Variants in PACSIN1 observed in about 807,000 individuals in gnomAD.
The protein encoded by PACSIN1 is protein kinase C and casein kinase substrate in neurons protein 1.
Under a neutral mutation model 59.5 loss-of-function variants are expected in PACSIN1, and 15 were observed. The ratio of observed to expected loss-of-function variants is 0.25; its 90% CI spans 0.17 to 0.39. The LOEUF is 0.39. Among genes scored for constraint, PACSIN1 ranks in the 10% least tolerant of loss-of-function variants. The pLI is 1.00. For synonymous variants in PACSIN1, 210 were observed against 220.6 expected, an observed-to-expected ratio of 0.95 and a Z score of 0.42; for missense variants, 420 against 580.2, an observed-to-expected ratio of 0.72 and a Z score of 2.84.
intron 1 of PACSIN1, among the ~76,000 whole-genome samples, chr6:34,520,127 T>G (rs1185500736): frequency 6.6e-6 from 1 of 151,980 alleles, no homozygotes; most frequent in Non-Finnish European, 1.5e-5. Context: ...GCCTGGGTTG[T>G]GGGGAGACAT....
intron 1 of PACSIN1, among the ~76,000 whole-genome samples, chr6:34,499,972 C>G (rs925574130): frequency 6.6e-6 from 1 of 152,094 alleles, no homozygotes; most frequent in Non-Finnish European, 1.5e-5. Flanking sequence ...GGGTGAAAAG[C>G]AGCCCACAAA....
At chr6:34,524,515 G>A (rs1483280090) in intron 1 of PACSIN1, among the ~76,000 whole-genome samples, 2 of 152,132 alleles carry the variant, frequency 1.3e-5, no homozygotes, top group Non-Finnish European at 2.9e-5. Context: ...ATTTTCCCCA[G>A]CCACATGGGT....
intron 1 of PACSIN1, among the ~76,000 whole-genome samples, chr6:34,497,415 G>A (rs1044578851): frequency 2.6e-5 from 4 of 152,132 alleles, no homozygotes; most frequent in African/African-American, 7.2e-5. Context: ...GCTATCATCC[G>A]CGGTTAAAGA....
intron 1 of PACSIN1, among the ~76,000 whole-genome samples, chr6:34,498,819 T>C (rs1750214662): frequency 8.2e-6 from 1 of 121,796 alleles, no homozygotes; most frequent in African/African-American, 3.3e-5. Flanking sequence ...AAAAAAAAAG[T>C]GTCCCAGGTA....
Position 34,530,254 on chromosome 6 carries a change from T to C in PACSIN1, c.800T>C (p.Val267Ala). 2 of 1,613,680 alleles carry C rather than the reference T, an allele frequency of 1.2e-6. No homozygotes were observed. The highest frequency in any genetic ancestry group is 1.7e-6 in the Non-Finnish European group (2 of 1,179,780). The stretch of plus-strand genomic sequence containing the variant: ...CTCCCTGAGCACAGCTACATCCATG[T>C]GTACCGTGAGCTGGAGCAGGCCATC... ...NLAENSSYIHVYRELEQAIRG... is the reference protein window; with the variant it reads ...NLAENSSYIHAYRELEQAIRG... The change falls in exon 7 of 10, where the codon GTG becomes GCG. Residue 267 changes from valine (V) to alanine (A), a missense_variant. By Grantham distance (64) the Val-to-Ala change is moderately conservative. Transcript: ENST00000244458. The surrounding 1 kb of genome is among the most constrained non-coding windows in gnomAD (Gnocchi z 4.4).
At chr6:34,487,249 A>C (rs981342736) in intron 1 of PACSIN1, among the ~76,000 whole-genome samples, 2 of 152,182 alleles carry the variant, frequency 1.3e-5, no homozygotes, top group African/African-American at 4.8e-5. Context: ...AGAACAAGAT[A>C]TAGAACACTT....
At chr6:34,511,028 G>C (rs1185335179) in intron 1 of PACSIN1, among the ~76,000 whole-genome samples, 3 of 151,656 alleles carry the variant, frequency 2.0e-5, no homozygotes, top group Non-Finnish European at 1.5e-5. Context: ...TATTTTTCTT[G>C]GTAGCACTGC....
At chr6:34,482,171 C>T (rs1220851345) in intron 1 of PACSIN1, among the ~76,000 whole-genome samples, 1 of 152,130 alleles carries the variant, frequency 6.6e-6, no homozygotes, top group African/African-American at 2.4e-5. Context: ...ACCGCAATCT[C>T]TGCCTCTTGG....
chr6:34,527,301 G>C, intron 2 of PACSIN1, 31 bp from the exon 3 acceptor site: 3 of 1,495,834 alleles, frequency 2.0e-6, no homozygotes, highest in South Asian at 2.6e-5. Context: ...CTGGGAACCC[G>C]CGGGAGTGGT....
intron 1 of PACSIN1, among the ~76,000 whole-genome samples, chr6:34,473,227 G>A (rs1287405430): frequency 8.1e-6 from 1 of 123,856 alleles, no homozygotes; most frequent in East Asian, 2.9e-4. Flanking sequence ...GACGGGGCGG[G>A]GGGCGGGGGG....
At position 34,530,082 on chromosome 6, in the gene PACSIN1, C is replaced by T. The variant is rs1438827436; in HGVS notation, c.789-161C>T. 6.6e-6 allele frequency among the ~76,000 whole-genome samples: 1 copy of T among 152,160 alleles called. No homozygotes were observed. Among genetic ancestry groups the T allele is most frequent in the East Asian group, 1.9e-4 (1 of 5,190 alleles). The stretch of plus-strand genomic sequence containing the variant: ...AAGGTGGGAGGGAAAAGGAGTCCAC[C>T]GAGCATGCCCGGAGCTTATTCTTGC... On this transcript the variant is annotated intron_variant, in intron 6 of 9. Coordinates refer to ENST00000244458, the MANE Select transcript of PACSIN1 (RefSeq NM_020804.5). This position sits in a 1 kb window ranked among gnomAD's most constrained non-coding sequence, Gnocchi z 4.4.
At chr6:34,503,779 A>T (rs573667901) in intron 1 of PACSIN1, among the ~76,000 whole-genome samples, 37 of 152,310 alleles carry the variant, frequency 2.4e-4, no homozygotes, top group African/African-American at 7.9e-4. Flanking sequence ...TTATATTTTT[A>T]AAATTGAAGT....
At position 34,532,710 on chromosome 6, in the gene PACSIN1, T is replaced by G; in HGVS notation, c.*180T>G. On this transcript the variant is annotated 3_prime_UTR_variant, in exon 10 of 10. Coordinates refer to ENST00000244458, the MANE Select transcript of PACSIN1 (RefSeq NM_020804.5). This position sits in a 1 kb window ranked among gnomAD's most constrained non-coding sequence, Gnocchi z 5.2. ...GAGACAGAGCATTTGCAGGGCCACC[T>G]GGAGGCTGGGGTGCTGGGGCTTGGG... 1 of 580,962 alleles carries G rather than the reference T, an allele frequency of 1.7e-6. No individual in the cohort carries two copies. The highest frequency in any genetic ancestry group is 3.0e-5 in the East Asian group (1 of 33,614). 36.0% of individuals were successfully genotyped at this position (580,962 alleles called of 1,614,324 possible). A position where few individuals can be genotyped will look rare whatever the true frequency, so the allele number is the denominator to read the frequency against.
chr6:34,530,921 T>G lies in PACSIN1; in HGVS notation c.1037+334T>G, dbSNP rs1561972376. 6.6e-6 allele frequency among the ~76,000 whole-genome samples: 1 copy of G among 152,158 alleles called. No individual in the cohort carries two copies. The highest frequency in any genetic ancestry group is 1.5e-5 in the Non-Finnish European group (1 of 68,014). Reference sequence around the variant, plus strand: ...TCACAATAGGGGGGTTGCGCTCCTATGAGAATCTAACGCCGCGGCTGATCT... The same window carrying G: ...TCACAATAGGGGGGTTGCGCTCCTAGGAGAATCTAACGCCGCGGCTGATCT... On this transcript the variant is annotated intron_variant, in intron 8 of 9. Transcript: ENST00000244458. This position sits in a 1 kb window ranked among gnomAD's most constrained non-coding sequence, Gnocchi z 4.4.
At position 34,478,343 on chromosome 6, in the gene PACSIN1, G is replaced by C. The variant is rs1194624626; in HGVS notation, c.-64+12073G>C. On this transcript the variant is annotated intron_variant, in intron 1 of 9. Coordinates refer to ENST00000244458, the MANE Select transcript of PACSIN1 (RefSeq NM_020804.5). ...CAAAGTGCTGGGATTACAGGCATGAGCCACCACGCCGAGCCTATTTATCTT... is the reference window on the plus strand; with the variant it reads ...CAAAGTGCTGGGATTACAGGCATGACCCACCACGCCGAGCCTATTTATCTT... Among the ~76,000 whole-genome samples, 94 of 146,808 alleles carry C rather than the reference G, an allele frequency of 6.4e-4. 1 individual carries two copies. The highest frequency in any genetic ancestry group is 2.4e-3 in the African/African-American group (94 of 39,408).
intron 1 of PACSIN1, 27 bp from the exon 2 acceptor site, chr6:34,526,216 C>A: frequency 1.8e-6 from 2 of 1,114,802 alleles, no homozygotes; most frequent in Non-Finnish European, 2.7e-6. Flanking sequence ...TCCCTCATCT[C>A]CAGGGATCTC....
At position 34,521,847 on chromosome 6, in the gene PACSIN1, G is replaced by A. The variant is rs1250850095; in HGVS notation, c.-63-4396G>A. ...AGCCCATTTTACAGATGCGGACGCC[G>A]AGGCCTGGGAAGAGGGAGAGAGCCA... On this transcript the variant is annotated intron_variant, in intron 1 of 9. Coordinates refer to ENST00000244458, the MANE Select transcript of PACSIN1 (RefSeq NM_020804.5). This position sits in a 1 kb window ranked among gnomAD's most constrained non-coding sequence, Gnocchi z 4.3. Among the ~76,000 whole-genome samples the A allele has an allele frequency of 2.6e-5, 4 of 152,302 alleles. No individual in the cohort carries two copies. Among genetic ancestry groups the A allele is most frequent in the Admixed American group, 6.5e-5 (1 of 15,304 alleles).
intron 1 of PACSIN1, chr6:34,485,106 G>GT (rs1012873159): frequency 6.6e-6 from 1 of 152,274 alleles, no homozygotes; most frequent in Admixed American, 6.5e-5. Context: ...GAGTCAACAG[G>GT]TTGGGGCCCA....
chr6:34,534,566 A>G lies in PACSIN1; in HGVS notation c.*2036A>G, dbSNP rs763397439. 4 of 152,540 alleles carry G rather than the reference A, an allele frequency of 2.6e-5. No homozygotes were observed. Among genetic ancestry groups the G allele is most frequent in the Admixed American group, 2.0e-4 (3 of 15,264 alleles). The allele number at this position is 152,540 out of a possible 1,614,324, so 9.4% of individuals were successfully genotyped here. ...GAAAGGTGGGAAGCTGGCAATCTGC[A>G]CCTTGGGGCCTGGGCTCCCCCTCTC... On this transcript the variant is annotated 3_prime_UTR_variant, in exon 10 of 10. Transcript: ENST00000244458.
Sources: allele counts gnomAD v4.1 joint callset (sites outside exome capture counted in the v4.1 genomes callset), GRCh38; gene constraint gnomAD v4.1.1; non-coding constraint Gnocchi (gnomAD v3.1); transcripts MANE v1.5; gene names NCBI Gene and HGNC (gene_info 2026-07-23, HGNC 2026-07-21).